The following MAGI2 variants were observed in gnomAD, a reference collection of about 807,000 sequenced individuals.
The protein encoded by MAGI2 is membrane-associated guanylate kinase, WW and PDZ domain-containing protein 2.
Under a neutral mutation model 133.3 loss-of-function variants are expected in MAGI2, and 35 were observed. That is an observed-to-expected ratio of 0.26 (90% confidence interval 0.20 to 0.35). MAGI2 has a LOEUF of 0.35. MAGI2 is among the 10% of genes least tolerant of loss of function. MAGI2 has a pLI of 1.00. For missense variants in MAGI2, 1,636 were observed against 1,863.4 expected (o/e 0.88, Z 2.25); for synonymous variants, 729 against 710.6 (o/e 1.03, Z -0.41).
intron 1 of MAGI2, among the ~76,000 whole-genome samples, chr7:79,032,911 G>A (rs758908798): frequency 1.4e-5 from 2 of 146,352 alleles, no homozygotes; most frequent in Non-Finnish European, 3.0e-5. Context: ...CTACAGCTTC[G>A]TGGAGCTATT....
At chr7:79,317,329 G>A (rs1330745895) in intron 1 of MAGI2, among the ~76,000 whole-genome samples, 4 of 151,984 alleles carry the variant, frequency 2.6e-5, no homozygotes, top group African/African-American at 9.7e-5. Context: ...CAGCCAAACT[G>A]TAGCTTTTAG....
intron 20 of MAGI2, among the ~76,000 whole-genome samples, chr7:78,086,395 G>A (rs1231765268): frequency 1.3e-5 from 2 of 151,432 alleles, no homozygotes; most frequent in African/African-American, 4.9e-5. Flanking sequence ...ACTCCACCAC[G>A]CTTGGCTAAT....
intron 2 of MAGI2, among the ~76,000 whole-genome samples, chr7:78,793,470 G>T (rs533769021): frequency 6.6e-6 from 1 of 152,068 alleles, no homozygotes; most frequent in Non-Finnish European, 1.5e-5. Context: ...AAATGTTAGC[G>T]CAAAGTCTGA....
chr7:79,208,356 A>C (rs2129552455), intron 1 of MAGI2, among the ~76,000 whole-genome samples: 1 of 152,106 alleles, frequency 6.6e-6, no homozygotes, highest in Non-Finnish European at 1.5e-5. Context: ...AAACAAACAA[A>C]AAACCAATTA....
intron 12 of MAGI2, among the ~76,000 whole-genome samples, chr7:78,186,638 AT>A (rs1231019933): frequency 6.6e-6 from 1 of 152,176 alleles, no homozygotes; most frequent in African/African-American, 2.4e-5. Context: ...GGCACCTTTC[AT>A]TCCACAGATG....
intron 2 of MAGI2, among the ~76,000 whole-genome samples, chr7:78,881,868 T>G (rs971775257): frequency 1.3e-5 from 2 of 151,056 alleles, no homozygotes; most frequent in African/African-American, 4.9e-5. Context: ...ATTAATGATC[T>G]AACATCACAC....
At chr7:78,787,830 G>A (rs1167055185) in intron 2 of MAGI2, among the ~76,000 whole-genome samples, 1 of 152,180 alleles carries the variant, frequency 6.6e-6, no homozygotes, top group Non-Finnish European at 1.5e-5. Flanking sequence ...TGGTTATATA[G>A]AGTTCATCAT....
intron 1 of MAGI2, among the ~76,000 whole-genome samples, chr7:79,363,202 G>C (rs568208091): frequency 1.3e-5 from 2 of 149,050 alleles, no homozygotes; most frequent in Non-Finnish European, 3.0e-5. Flanking sequence ...CAATCACTTC[G>C]AATAAAATGA....
intron 2 of MAGI2, among the ~76,000 whole-genome samples, chr7:78,788,224 T>TA (rs886865917): frequency 3.9e-4 from 59 of 152,216 alleles, no homozygotes; most frequent in Middle Eastern, 3.4e-3. Flanking sequence ...AAAATAGTAA[T>TA]AAAAAAATGT....
At chr7:78,727,485 G>A (rs1277838932) in intron 2 of MAGI2, among the ~76,000 whole-genome samples, 3 of 152,198 alleles carry the variant, frequency 2.0e-5, no homozygotes, top group Non-Finnish European at 2.9e-5. Flanking sequence ...CAAGGCAATT[G>A]TGTAGTTCTT....
chr7:78,321,900 C>T (rs532419666), intron 9 of MAGI2, among the ~76,000 whole-genome samples: 6 of 152,134 alleles, frequency 3.9e-5, no homozygotes, highest in East Asian at 3.9e-4. Context: ...CCAGAATCTA[C>T]GAAGAACTAA....
At chr7:79,186,857 C>T (rs1827221242) in intron 1 of MAGI2, among the ~76,000 whole-genome samples, 1 of 147,808 alleles carries the variant, frequency 6.8e-6, no homozygotes, top group Non-Finnish European at 1.5e-5. Flanking sequence ...CTTAATATAT[C>T]ACCTGGATAT....
At chr7:78,618,982 T>C (rs760820433) in intron 3 of MAGI2, 1 of 120,600 alleles carries the variant, frequency 8.3e-6, no homozygotes, top group Non-Finnish European at 1.6e-5. Flanking sequence ...ATAGTCATCA[T>C]GGATTGCATA....
intron 6 of MAGI2, among the ~76,000 whole-genome samples, chr7:78,470,131 T>C (rs1791045127): frequency 6.6e-6 from 1 of 152,140 alleles, no homozygotes; most frequent in Non-Finnish European, 1.5e-5. Flanking sequence ...GGATCATTTC[T>C]CATTTTTCAC....
intron 9 of MAGI2, among the ~76,000 whole-genome samples, chr7:78,304,605 T>C (rs1798101027): frequency 6.6e-6 from 1 of 152,188 alleles, no homozygotes; most frequent in African/African-American, 2.4e-5. Flanking sequence ...GTAAACAAAA[T>C]AGGCAAACAT....
intron 13 of MAGI2, among the ~76,000 whole-genome samples, chr7:78,182,826 T>A (rs998908833): frequency 6.6e-6 from 1 of 152,214 alleles, no homozygotes; most frequent in African/African-American, 2.4e-5. Flanking sequence ...CTGGCTCTCT[T>A]ATTTTTGGGT....
chr7:78,068,884 T>G (rs1814137464), intron 21 of MAGI2, among the ~76,000 whole-genome samples: 1 of 152,218 alleles, frequency 6.6e-6, no homozygotes, highest in Non-Finnish European at 1.5e-5. Context: ...CAACATCTTT[T>G]CTGTAATGTC....
intron 6 of MAGI2, among the ~76,000 whole-genome samples, chr7:78,387,951 A>G (rs1795544127): frequency 6.6e-6 from 1 of 150,454 alleles, no homozygotes; most frequent in Admixed American, 6.6e-5. Context: ...TAAATAAATA[A>G]ATAAATAAAT....
At chr7:78,344,793 C>CTATTTGTTATATAATTTGTTATATAATA in intron 8 of MAGI2, among the ~76,000 whole-genome samples, 1 of 152,234 alleles carries the variant, frequency 6.6e-6, no homozygotes, top group East Asian at 1.9e-4. Context: ...ATAGATTTAC[C>CTATTTGTTATATAATTTGTTATATAATA]TGCTAATTTG....
Sources: gnomAD v4.1 joint callset for allele counts (sites outside exome capture counted in the v4.1 genomes callset) on GRCh38, gnomAD v4.1.1 for gene constraint, MANE v1.5 for transcripts, NCBI Gene and HGNC (gene_info 2026-07-23, HGNC 2026-07-21) for gene names.